The following COMMD4 variants were observed in gnomAD, a reference collection of about 807,000 sequenced individuals.
The protein encoded by COMMD4 is COMM domain-containing protein 4.
In COMMD4, 18 loss-of-function variants were observed where a neutral mutation model predicts 27.5. The observed-to-expected ratio is 0.65, with a 90% CI of 0.45 to 0.97. The LOEUF is 0.97. Among genes scored for constraint, COMMD4 ranks in the 50% least tolerant of loss-of-function variants. COMMD4 has a pLI of 0.00. For synonymous variants in COMMD4, 108 were observed against 108.4 expected (o/e 1.00, Z 0.02); for missense variants, 243 against 250.0 (o/e 0.97, Z 0.19).
rs891365172 is a variant in COMMD4 at position 75,339,867 on chromosome 15, T to C, written c.548T>C (p.Val183Ala). 3.9e-5 allele frequency: 63 copies of C among 1,612,888 alleles called. No homozygotes were observed. The highest frequency in any genetic ancestry group is 4.9e-5 in the Non-Finnish European group (58 of 1,179,200). The change falls in exon 7 of 8, where the codon GTC (valine) becomes GCC (alanine). Residue 183 changes from valine (V) to alanine (A), a missense_variant. Transcript: ENST00000267935. ...AMSLSADKFQ[V>A]LLAELKQAQT... ...TCCCTCTCAGCAGACAAGTTCCAGG[T>C]CCTCCTGGCAGGTGAGGCTCAGCTA...
chr15:75,342,635 G>C (rs969044473), downstream of COMMD4: 1 of 152,132 alleles, frequency 6.6e-6, no homozygotes, highest in Non-Finnish European at 1.5e-5. Context: ...GGGAGACACC[G>C]GTCAAAAGGT....
In COMMD4 at chr15:75,336,100, A is replaced by C. The variant is rs572646649; in HGVS notation, c.3+8A>C. Reference sequence around the variant, plus strand: ...TGGCTTCTTGGCGCGATGGTGAGGCACTAGGGGCGAAGCGAGGCTTGGGCT... The same window carrying C: ...TGGCTTCTTGGCGCGATGGTGAGGCCCTAGGGGCGAAGCGAGGCTTGGGCT... On this transcript the variant is annotated splice_region_variant and intron_variant, in intron 1 of 7. Transcript: ENST00000267935. The C allele has an allele frequency of 5.8e-6, 9 of 1,549,764 alleles. No individual in the cohort carries two copies. Among genetic ancestry groups the C allele is most frequent in the Non-Finnish European group, 7.8e-6 (9 of 1,146,810 alleles).
chr15:75,339,331 C>G lies in COMMD4; in HGVS notation c.369C>G (p.Val123=), dbSNP rs750772129. The G allele has an allele frequency of 1.2e-6, 2 of 1,611,552 alleles. No homozygotes were observed. The highest frequency in any genetic ancestry group is 1.1e-5 in the South Asian group (1 of 90,874). The change falls in exon 6 of 8, where the codon GTC becomes GTG. Residue 123 remains valine (V), a synonymous_variant. Coordinates refer to ENST00000267935, the MANE Select transcript of COMMD4 (RefSeq NM_017828.5). Reference sequence around the variant, plus strand: ...GCCCCTTGCAGAAGCACTTGCGGGTCTGCAGCCTACGCAGTAAGTATGAGG... The same window carrying G: ...GCCCCTTGCAGAAGCACTTGCGGGTGTGCAGCCTACGCAGTAAGTATGAGG... The part of the protein sequence containing the change: ...KQSPLQKHLR[V]CSLRMNRLAG...
intron 4 of COMMD4, 32 bp downstream of exon 4, chr15:75,338,717 G>A (rs1452282463): frequency 6.2e-7 from 1 of 1,608,944 alleles, no homozygotes; most frequent in Non-Finnish European, 8.5e-7. Flanking sequence ...TAGGCCCCAG[G>A]CAACCCTGGG....
chr15:75,338,148 G>C lies in COMMD4; in HGVS notation c.75+15G>C. 1 of 1,591,592 alleles carries C rather than the reference G, an allele frequency of 6.3e-7. No homozygotes were observed. Among genetic ancestry groups the C allele is most frequent in the Middle Eastern group, 1.7e-4 (1 of 6,032 alleles). On this transcript the variant is annotated intron_variant, in intron 2 of 7. Transcript: ENST00000267935. The stretch of plus-strand genomic sequence containing the variant: ...TGGCCAAGATGGTTGAGTGCACAGG[G>C]TCTAGTCTGGGTGGAGGAGGGGTGT...
chr15:75,338,843 T>C lies in COMMD4; in HGVS notation c.182-142T>C, dbSNP rs776469947. On this transcript the variant is annotated intron_variant, in intron 4 of 7. Transcript: ENST00000267935. ...AGAAAGACCGACAGTCCCACCTTCC[T>C]GTCCTCTGCCAGCTCCTGGTGGAGC... 3.7e-5 allele frequency: 54 copies of C among 1,458,028 alleles called. 1 individual carries two copies. Among genetic ancestry groups the C allele is most frequent in the South Asian group, 2.8e-4 (24 of 85,466 alleles). 90.3% of individuals were successfully genotyped at this position (1,458,028 alleles called of 1,614,324 possible).
At chr15:75,338,007 C>T in intron 1 of COMMD4, 55 bp from the exon 2 acceptor site, 1 of 1,540,954 alleles carries the variant, frequency 6.5e-7, no homozygotes, top group Non-Finnish European at 8.8e-7. Flanking sequence ...CACACGGATC[C>T]TGGCCACACC....
At chr15:75,336,449 G>T in intron 1 of COMMD4, 1 of 574,446 alleles carries the variant, frequency 1.7e-6, no homozygotes, top group South Asian at 2.6e-5. Flanking sequence ...CCCTTCCCCA[G>T]CCCTGCCGTG....
At chr15:75,338,962 T>C in intron 4 of COMMD4, 23 bp from the exon 5 acceptor site, 1 of 1,613,876 alleles carries the variant, frequency 6.2e-7, no homozygotes, top group Non-Finnish European at 8.5e-7. Context: ...TGACACCCCC[T>C]GCCCCACCCA....
At chr15:75,337,129 A>C (rs985998707) in intron 1 of COMMD4, 6 of 152,448 alleles carry the variant, frequency 3.9e-5, no homozygotes, top group Middle Eastern at 3.4e-3. Flanking sequence ...GCGGTGGCTC[A>C]TGCCTGTAAT....
chr15:75,339,715 A>C lies in COMMD4; in HGVS notation c.396A>C (p.Ala132=). The C allele has an allele frequency of 6.3e-7, 1 of 1,598,154 alleles. No individual in the cohort carries two copies. The highest frequency in any genetic ancestry group is 8.5e-7 in the Non-Finnish European group (1 of 1,171,014). ...RVCSLRMNRL[A]GVGWRVDYTL... ...CCCATCTCACAGTGAATAGGTTGGC[A>C]GGTGTGGGCTGGCGGGTGGACTACA... Residue 132 remains alanine (A), a synonymous_variant, in exon 7 of 8, where the codon GCA becomes GCC. Transcript: ENST00000267935.
Position 75,340,254 on chromosome 15 carries a change from T to G in COMMD4, c.*249T>G, listed in dbSNP as rs2071411787. ...TGGCTGTTTTCATAAGCAGGAAAAA[T>G]AAACAGAAGTATAAAGGAATGTGTG... is the stretch of plus-strand genomic sequence containing the variant. On this transcript the variant is annotated 3_prime_UTR_variant, in exon 8 of 8. Transcript: ENST00000267935. The G allele has an allele frequency of 1.8e-6, 1 of 567,734 alleles. No individual in the cohort carries two copies. 35.2% of individuals were successfully genotyped at this position (567,734 alleles called of 1,614,324 possible). A position where few individuals can be genotyped will look rare whatever the true frequency, so the allele number is the denominator to read the frequency against.
chr15:75,339,423 AGAC>A, intron 6 of COMMD4, 79 bp downstream of exon 6: 1 of 1,559,482 alleles, frequency 6.4e-7, no homozygotes, highest in Non-Finnish European at 8.7e-7. Context: ...GAGTCCAGGG[AGAC>A]GACTTAACCA....
downstream of COMMD4, chr15:75,342,025 A>G (rs1205020496): frequency 1.0e-4 from 13 of 130,322 alleles, no homozygotes; most frequent in South Asian, 5.0e-4. Flanking sequence ...CTGTGATCAT[A>G]CCTCTGCACT....
rs1157395958 is a variant in COMMD4, at chr15:75,338,481, C to T, written c.141+61C>T. The stretch of plus-strand genomic sequence containing the variant: ...CCTTATGACCACCACTGCCCTGAAA[C>T]TCTGCACTAGGCCCAGGGAGACGGG... On this transcript the variant is annotated intron_variant, in intron 3 of 7. Coordinates refer to ENST00000267935, the MANE Select transcript of COMMD4 (RefSeq NM_017828.5). 7.5e-6 allele frequency: 12 copies of T among 1,598,378 alleles called. No individual in the cohort carries two copies. The African/African-American group carries it at 8.0e-5, about 11-fold the overall frequency.
rs778010069 is a variant in COMMD4, at chr15:75,339,013, A to G, written c.210A>G (p.Ala70=). Residue 70 remains alanine (A), a synonymous_variant, in exon 5 of 8, where the codon GCA becomes GCG. Coordinates refer to ENST00000267935, the MANE Select transcript of COMMD4 (RefSeq NM_017828.5). ...FESGDVKATV[A]VLSFILSSAA... is the part of the protein sequence containing the mutation. ...CAGGCGATGTGAAGGCCACAGTGGCAGTGCTGAGTTTCATCCTCTCCAGTG... is the reference window on the plus strand; with the variant it reads ...CAGGCGATGTGAAGGCCACAGTGGCGGTGCTGAGTTTCATCCTCTCCAGTG... The G allele has an allele frequency of 1.9e-6, 3 of 1,613,838 alleles. No homozygotes were observed. In the African/African-American group the frequency reaches 4.0e-5, roughly 22 times the overall value.
chr15:75,336,517 C>T (rs2071196985), intron 1 of COMMD4: 2 of 371,380 alleles, frequency 5.4e-6, no homozygotes, highest in South Asian at 5.9e-5. Flanking sequence ...GTTAGGAAGC[C>T]CCTCCGCTCT....
At chr15:75,340,599 C>CTATTTATT (rs530947043), downstream of COMMD4, among the ~76,000 whole-genome samples, 1 of 152,132 alleles carries the variant, frequency 6.6e-6, no homozygotes, top group African/African-American at 2.4e-5. Flanking sequence ...CTGCCATCTT[C>CTATTTATT]TATTTATTTA....
chr15:75,340,238 T>G lies in COMMD4; in HGVS notation c.*233T>G. On this transcript the variant is annotated 3_prime_UTR_variant, in exon 8 of 8. Coordinates refer to ENST00000267935, the MANE Select transcript of COMMD4 (RefSeq NM_017828.5). ...CTTGAAAGGCAATTGTTGGCTGTTT[T>G]CATAAGCAGGAAAAATAAACAGAAG... 1 of 574,316 alleles carries G rather than the reference T, an allele frequency of 1.7e-6. No homozygotes were observed. The allele number at this position is 574,316 out of a possible 1,614,324, so 35.6% of individuals were successfully genotyped here.
Sources: allele counts gnomAD v4.1 joint callset (sites outside exome capture counted in the v4.1 genomes callset), GRCh38; gene constraint gnomAD v4.1.1; transcripts MANE v1.5; gene names NCBI Gene and HGNC (gene_info 2026-07-23, HGNC 2026-07-21).